VPS13B: variants seen among roughly 807,000 people sequenced by gnomAD.
VPS13B encodes vacuolar protein sorting 13 homolog B, also known as intermembrane lipid transfer protein VPS13B.
In VPS13B, 285 loss-of-function variants were observed where a neutral mutation model predicts 426.4. The ratio of observed to expected loss-of-function variants is 0.67; its 90% confidence interval spans 0.61 to 0.74. The LOEUF is 0.74. VPS13B is among the 30% of genes least tolerant of loss of function. The probability of loss-of-function intolerance (pLI) is 0.00; values close to 1 mark genes in which losing one functional copy is unlikely to be tolerated. For synonymous variants in VPS13B, 1,676 were observed against 1,676.4 expected (o/e 1.00, Z 0.01); for missense variants, 4,537 against 4,782.6 (o/e 0.95, Z 1.51).
At chr8:99,108,928 A>T (rs1422174849) in intron 5 of VPS13B, among the ~76,000 whole-genome samples, 1 of 152,148 alleles carries the variant, frequency 6.6e-6, no homozygotes, top group Admixed American at 6.5e-5. Context: ...CAGTTTGTGA[A>T]TATTGGTATT....
chr8:99,795,886 A>C (rs1812785474), intron 43 of VPS13B, among the ~76,000 whole-genome samples: 1 of 152,212 alleles, frequency 6.6e-6, no homozygotes, highest in South Asian at 2.1e-4. Context: ...TAGCCTCAGA[A>C]GTCATTCATT....
chr8:99,610,890 T>C (rs1264600441), intron 33 of VPS13B, among the ~76,000 whole-genome samples: 1 of 152,208 alleles, frequency 6.6e-6, no homozygotes, highest in Non-Finnish European at 1.5e-5. Flanking sequence ...GCTATTTTAC[T>C]AGAAAATCTA....
chr8:99,438,034 C>A lies in VPS13B; in HGVS notation c.3211-4367C>A, dbSNP rs75872506. ...ACATGTACTAGCATTTTCTTTTCCT[C>A]TTTTTTTTTTTTTTTTTTTGTACTC... On this transcript the variant is annotated intron_variant, in intron 22 of 61. Coordinates refer to ENST00000357162, the MANE Select transcript of VPS13B (RefSeq NM_152564.5). 4.6e-4 allele frequency among the ~76,000 whole-genome samples: 56 copies of A among 120,606 alleles called. No homozygotes were observed. The East Asian group carries it at 0.014, about 30-fold the overall frequency. 79.1% of individuals were successfully genotyped at this position (120,606 alleles called of 152,430 possible). A position where few individuals can be genotyped will look rare whatever the true frequency, so the allele number is the denominator to read the frequency against.
intron 35 of VPS13B, chr8:99,696,398 T>A: frequency 3.0e-6 from 1 of 328,664 alleles, no homozygotes; most frequent in Non-Finnish European, 6.0e-6. Context: ...AAGATCGTGG[T>A]GCTCATGCTG....
At chr8:99,870,996 C>T in intron 60 of VPS13B, 109 bp downstream of exon 60, 2 of 1,091,220 alleles carry the variant, frequency 1.8e-6, no homozygotes, top group Non-Finnish European at 2.8e-6. Context: ...CAGGAGTAGC[C>T]ATTGTTGGCA....
chr8:99,255,485 G>C (rs1226829459), intron 17 of VPS13B, among the ~76,000 whole-genome samples: 1 of 152,128 alleles, frequency 6.6e-6, no homozygotes, highest in Non-Finnish European at 1.5e-5. Flanking sequence ...CCGAGATTCT[G>C]TGTTGTGTTT....
intron 23 of VPS13B, among the ~76,000 whole-genome samples, chr8:99,450,249 A>G (rs1563736688): frequency 6.6e-6 from 1 of 152,196 alleles, no homozygotes; most frequent in Non-Finnish European, 1.5e-5. Flanking sequence ...ATACCTTGAT[A>G]TTGTTTGGGT....
intron 19 of VPS13B, among the ~76,000 whole-genome samples, chr8:99,374,758 A>G (rs553312342): frequency 1.3e-5 from 2 of 152,274 alleles, no homozygotes; most frequent in South Asian, 2.1e-4. Context: ...TTTAAAATTT[A>G]TATTAAGTTC....
chr8:99,743,985 T>G (rs1382137986), intron 39 of VPS13B, among the ~76,000 whole-genome samples: 1 of 152,084 alleles, frequency 6.6e-6, no homozygotes, highest in Non-Finnish European at 1.5e-5. Flanking sequence ...GGGATCTAAT[T>G]AAACTAAAGA....
chr8:99,319,279 G>A (rs1809849055), intron 19 of VPS13B, among the ~76,000 whole-genome samples: 1 of 152,158 alleles, frequency 6.6e-6, no homozygotes, highest in South Asian at 2.1e-4. Flanking sequence ...AAATAGCCGT[G>A]AGTGATGTGA....
At chr8:99,054,876 A>C (rs951575761) in intron 3 of VPS13B, among the ~76,000 whole-genome samples, 1 of 152,124 alleles carries the variant, frequency 6.6e-6, no homozygotes, top group Admixed American at 6.5e-5. Flanking sequence ...GTTGAAAATA[A>C]ACCCTATAGG....
chr8:99,734,409 A>G (rs1327064294), intron 39 of VPS13B, among the ~76,000 whole-genome samples: 2 of 152,220 alleles, frequency 1.3e-5, no homozygotes, highest in Admixed American at 1.3e-4. Context: ...CTTAATGTAC[A>G]TTTTCTCAAA....
chr8:99,084,103 G>A (rs1442818620), intron 3 of VPS13B, among the ~76,000 whole-genome samples: 2 of 152,026 alleles, frequency 1.3e-5, no homozygotes. Context: ...TTTTTTGGTT[G>A]GTAAGCTATT....
intron 28 of VPS13B, among the ~76,000 whole-genome samples, chr8:99,508,165 T>A (rs1017049072): frequency 2.6e-5 from 4 of 152,234 alleles, no homozygotes; most frequent in Non-Finnish European, 5.9e-5. Context: ...TATATTTTTT[T>A]AAATTGTGCA....
intron 19 of VPS13B, among the ~76,000 whole-genome samples, chr8:99,382,669 T>G (rs935971126): frequency 6.6e-5 from 10 of 152,244 alleles, no homozygotes; most frequent in Admixed American, 6.5e-4. Context: ...GTTGAATTTG[T>G]ATCCTAAGAC....
intron 21 of VPS13B, among the ~76,000 whole-genome samples, chr8:99,408,203 C>CT (rs1260281831): frequency 5.9e-5 from 9 of 152,068 alleles, no homozygotes; most frequent in African/African-American, 2.2e-4. Context: ...ATGATATAAC[C>CT]TTTTTTGGCT....
At chr8:99,710,215 A>G (rs1484146026) in intron 36 of VPS13B, among the ~76,000 whole-genome samples, 1 of 145,770 alleles carries the variant, frequency 6.9e-6, no homozygotes, top group Non-Finnish European at 1.5e-5. Flanking sequence ...TTTGTTATAA[A>G]CACACACACA....
At chr8:99,409,609 T>C (rs1349014151) in intron 21 of VPS13B, among the ~76,000 whole-genome samples, 1 of 152,216 alleles carries the variant, frequency 6.6e-6, no homozygotes, top group Non-Finnish European at 1.5e-5. Context: ...CCTGGGGTTT[T>C]TCTTTGGATT....
At chr8:99,197,768 ATT>A (rs1244068138) in intron 17 of VPS13B, among the ~76,000 whole-genome samples, 1 of 152,170 alleles carries the variant, frequency 6.6e-6, no homozygotes, top group East Asian at 1.9e-4. Context: ...TAGGTTGTGT[ATT>A]TTGTGTTTCC....
Sources: gnomAD v4.1 joint callset for allele counts (sites outside exome capture counted in the v4.1 genomes callset) on GRCh38, gnomAD v4.1.1 for gene constraint, MANE v1.5 for transcripts, NCBI Gene and HGNC (gene_info 2026-07-23, HGNC 2026-07-21) for gene names.